Variants in CNTNAP2 observed in about 807,000 individuals in gnomAD.
The protein encoded by CNTNAP2 is contactin-associated protein-like 2.
Under a neutral mutation model 155.2 loss-of-function variants are expected in CNTNAP2, and 98 were observed. The ratio of observed to expected loss-of-function variants is 0.63; its 90% CI spans 0.54 to 0.75. The LOEUF (loss-of-function observed/expected upper bound fraction) is 0.75. Ranked by LOEUF, CNTNAP2 falls within the 30% of genes least tolerant of loss-of-function variation. The probability of loss-of-function intolerance (pLI) is 0.00; values close to 1 mark genes in which losing one functional copy is unlikely to be tolerated. For synonymous variants in CNTNAP2, 651 were observed against 631.2 expected (o/e 1.03, Z -0.47); for missense variants, 1,727 against 1,688.1 (o/e 1.02, Z -0.40).
chr7:146,117,112 C>A, intron 1 of CNTNAP2, 139 bp downstream of exon 1: 2 of 725,078 alleles, frequency 2.8e-6, no homozygotes, highest in South Asian at 1.6e-5. Context: ...ACACTTGCAG[C>A]CACTGCAGTA....
intron 1 of CNTNAP2, among the ~76,000 whole-genome samples, chr7:146,613,299 A>G (rs1318067189): frequency 3.3e-5 from 5 of 152,198 alleles, no homozygotes; most frequent in African/African-American, 1.2e-4. Flanking sequence ...TAGACAATCT[A>G]TAAGAATGAA....
intron 3 of CNTNAP2, among the ~76,000 whole-genome samples, chr7:147,013,029 C>A (rs767604305): frequency 2.0e-5 from 3 of 151,546 alleles, no homozygotes; most frequent in Non-Finnish European, 4.4e-5. Context: ...ACCATTTTGA[C>A]CCCCCAAAAT....
At chr7:147,142,432 T>C (rs914249955) in intron 8 of CNTNAP2, among the ~76,000 whole-genome samples, 1 of 152,202 alleles carries the variant, frequency 6.6e-6, no homozygotes, top group Non-Finnish European at 1.5e-5. Context: ...GCCCACTTGA[T>C]CATGGTGGAT....
intron 1 of CNTNAP2, among the ~76,000 whole-genome samples, chr7:146,644,312 A>G (rs561458255): frequency 2.0e-5 from 3 of 152,162 alleles, no homozygotes; most frequent in African/African-American, 7.2e-5. Flanking sequence ...AGCTCTTATT[A>G]TTTTGAGATA....
At chr7:146,127,750 A>G (rs1356481970) in intron 1 of CNTNAP2, among the ~76,000 whole-genome samples, 1 of 152,202 alleles carries the variant, frequency 6.6e-6, no homozygotes, top group Non-Finnish European at 1.5e-5. Flanking sequence ...TAATTATTGC[A>G]TCTAACAAGT....
At chr7:146,675,171 A>G (rs556901733) in intron 1 of CNTNAP2, among the ~76,000 whole-genome samples, 4 of 26,912 alleles carry the variant, frequency 1.5e-4, no homozygotes, top group East Asian at 2.4e-3. Context: ...GATGTTTGAG[A>G]AAAAAAAAAT....
intron 13 of CNTNAP2, among the ~76,000 whole-genome samples, chr7:147,783,201 A>T (rs1473999372): frequency 6.6e-6 from 1 of 152,216 alleles, no homozygotes; most frequent in African/African-American, 2.4e-5. Flanking sequence ...GTTTTAGGTA[A>T]GTTGGGAATT....
At chr7:147,135,003 TACTGGTA>T (rs1801450224) in intron 8 of CNTNAP2, among the ~76,000 whole-genome samples, 1 of 151,962 alleles carries the variant, frequency 6.6e-6, no homozygotes, top group African/African-American at 2.4e-5. Context: ...TGTTAATATA[TACTGGTA>T]ACTTAGTTTT....
At position 148,383,634 on chromosome 7, in the gene CNTNAP2, CTT is replaced by C. The variant is rs778811922; in HGVS notation, c.3476-9_3476-8del. The C allele has an allele frequency of 6.2e-7, 1 of 1,613,838 alleles. No individual in the cohort carries two copies. The highest frequency in any genetic ancestry group is 8.5e-7 in the Non-Finnish European group (1 of 1,179,872). On this transcript the variant is annotated splice_polypyrimidine_tract_variant and intron_variant, in intron 21 of 23. Coordinates refer to ENST00000361727, the MANE Select transcript of CNTNAP2 (RefSeq NM_014141.6). ...GGTGAGTCAAGTAACATTTTCATTT[CTT>C]TTTTTCTTTTAGAAACAGGGAAAAT...
chr7:146,329,730 C>A (rs541080542), intron 1 of CNTNAP2, among the ~76,000 whole-genome samples: 1 of 152,068 alleles, frequency 6.6e-6, no homozygotes, highest in Non-Finnish European at 1.5e-5. Context: ...TTTAACACAT[C>A]GGTATTACTG....
intron 1 of CNTNAP2, among the ~76,000 whole-genome samples, chr7:146,758,037 C>T (rs1272036708): frequency 6.6e-6 from 1 of 152,142 alleles, no homozygotes; most frequent in East Asian, 1.9e-4. Flanking sequence ...TTTGTAATGA[C>T]ATTGCTTGCA....
intron 21 of CNTNAP2, among the ~76,000 whole-genome samples, chr7:148,301,306 A>ATATATATATATATATAT (rs1554414674): frequency 5.8e-5 from 6 of 103,852 alleles, no homozygotes; most frequent in South Asian, 3.4e-4. Flanking sequence ...AAAAAAAAAA[A>ATATATATATATATATAT]ATATATATAT....
intron 1 of CNTNAP2, among the ~76,000 whole-genome samples, chr7:146,633,469 T>C (rs1401929068): frequency 6.6e-6 from 1 of 152,168 alleles, no homozygotes; most frequent in Non-Finnish European, 1.5e-5. Context: ...GGATACCATA[T>C]GGCTTTGATG....
intron 1 of CNTNAP2, among the ~76,000 whole-genome samples, chr7:146,243,814 G>T (rs561674907): frequency 1.3e-5 from 2 of 152,206 alleles, no homozygotes; most frequent in Admixed American, 1.3e-4. Context: ...ACTTGTGATT[G>T]TAAGTTCCTG....
chr7:148,163,440 A>C (rs901697328), intron 17 of CNTNAP2, among the ~76,000 whole-genome samples: 4 of 152,182 alleles, frequency 2.6e-5, no homozygotes, highest in Non-Finnish European at 5.9e-5. Flanking sequence ...CAGACCACTT[A>C]GCTCCACCCC....
chr7:147,377,415 T>C (rs1796454011), intron 9 of CNTNAP2, among the ~76,000 whole-genome samples: 1 of 151,830 alleles, frequency 6.6e-6, no homozygotes, highest in Non-Finnish European at 1.5e-5. Context: ...TTAGTCATTA[T>C]CACTTTTATA....
intron 3 of CNTNAP2, among the ~76,000 whole-genome samples, chr7:146,927,465 A>G (rs1205616690): frequency 6.6e-6 from 1 of 152,160 alleles, no homozygotes; most frequent in East Asian, 1.9e-4. Flanking sequence ...TGAAAAACTT[A>G]TTTTGTAAGT....
chr7:146,603,327 G>A (rs1798982569), intron 1 of CNTNAP2, among the ~76,000 whole-genome samples: 1 of 150,734 alleles, frequency 6.6e-6, no homozygotes, highest in Admixed American at 6.6e-5. Flanking sequence ...CAGGAGAATG[G>A]TGTGAACCCA....
chr7:146,848,035 T>G (rs1419324520), intron 3 of CNTNAP2, among the ~76,000 whole-genome samples: 1 of 152,170 alleles, frequency 6.6e-6, no homozygotes, highest in Non-Finnish European at 1.5e-5. Flanking sequence ...GAAAATAGGC[T>G]TATAAGTATT....
Sources: allele counts gnomAD v4.1 joint callset (sites outside exome capture counted in the v4.1 genomes callset), GRCh38; gene constraint gnomAD v4.1.1; transcripts MANE v1.5; gene names NCBI Gene and HGNC (gene_info 2026-07-23, HGNC 2026-07-21).